Variants in FBN1 observed in about 807,000 individuals in gnomAD.
FBN1 encodes fibrillin-1.
FBN1 carries 29 observed loss-of-function variants against 365.1 expected under a neutral mutation model. That is an observed-to-expected ratio of 0.08 (90% CI 0.06 to 0.11). FBN1 has a LOEUF of 0.11. Among genes scored for constraint, FBN1 ranks in the 10% least tolerant of loss-of-function variants. The pLI, the probability that FBN1 is intolerant of heterozygous loss-of-function variation, is 1.00. For synonymous variants in FBN1, 1,210 were observed against 1,270.5 expected (o/e 0.95, Z 1.01); for missense variants, 2,476 against 3,703.2 (o/e 0.67, Z 8.60).
intron 9 of FBN1, among the ~76,000 whole-genome samples, chr15:48,524,687 G>A (rs753987205): frequency 3.3e-5 from 5 of 152,066 alleles, no homozygotes; most frequent in Admixed American, 1.3e-4. Flanking sequence ...CTCAGGTCAC[G>A]GTGGAATCCC....
At chr15:48,453,140 C>A (rs1468952484) in intron 44 of FBN1, among the ~76,000 whole-genome samples, 2 of 151,940 alleles carry the variant, frequency 1.3e-5, no homozygotes, top group African/African-American at 4.8e-5. Context: ...CCTGCAATCC[C>A]AGCTACTTGG....
intron 2 of FBN1, among the ~76,000 whole-genome samples, chr15:48,633,997 T>C (rs1168629874): frequency 6.6e-6 from 1 of 152,152 alleles, no homozygotes; most frequent in Non-Finnish European, 1.5e-5. Context: ...TATAACTAAT[T>C]TATAATATGA....
At chr15:48,626,413 C>A (rs902308946) in intron 2 of FBN1, among the ~76,000 whole-genome samples, 2 of 152,120 alleles carry the variant, frequency 1.3e-5, no homozygotes, top group African/African-American at 4.8e-5. Flanking sequence ...GAAATTCTTC[C>A]ATGTTTCAGT....
intron 46 of FBN1, among the ~76,000 whole-genome samples, chr15:48,447,753 C>T (rs1441011903): frequency 1.3e-5 from 2 of 152,078 alleles, no homozygotes; most frequent in Admixed American, 1.3e-4. Flanking sequence ...ACATTTTGGA[C>T]ATGAAGATAA....
chr15:48,521,955 T>C (rs533459316), intron 9 of FBN1, among the ~76,000 whole-genome samples: 9 of 152,150 alleles, frequency 5.9e-5, no homozygotes, highest in Non-Finnish European at 8.8e-5. Flanking sequence ...GGTGAATGAG[T>C]GAAGCTTCAT....
intron 46 of FBN1, 76 bp from the exon 47 acceptor site, chr15:48,446,898 G>T: frequency 1.0e-6 from 1 of 962,314 alleles, no homozygotes; most frequent in Non-Finnish European, 1.7e-6. Context: ...TGGCTAAAGA[G>T]CATTTTAGGG....
At chr15:48,504,944 G>T in intron 16 of FBN1, 81 bp downstream of exon 16, 1 of 1,560,668 alleles carries the variant, frequency 6.4e-7, no homozygotes. Context: ...TGCTACAGTA[G>T]AGAGCGTTTG....
At chr15:48,530,532 C>G (rs188805872) in intron 8 of FBN1, among the ~76,000 whole-genome samples, 1 of 152,020 alleles carries the variant, frequency 6.6e-6, no homozygotes, top group Non-Finnish European at 1.5e-5. Context: ...TGCCTTATTT[C>G]CAGGGCTCTT....
At chr15:48,627,069 C>T (rs1279638031) in intron 2 of FBN1, among the ~76,000 whole-genome samples, 1 of 152,074 alleles carries the variant, frequency 6.6e-6, no homozygotes, top group Non-Finnish European at 1.5e-5. Flanking sequence ...AATAACATTC[C>T]AAGGTTAGTG....
intron 24 of FBN1, among the ~76,000 whole-genome samples, chr15:48,491,120 A>T (rs995475643): frequency 2.0e-5 from 3 of 152,244 alleles, no homozygotes; most frequent in Non-Finnish European, 4.4e-5. Context: ...AAGAACCTAG[A>T]AGAAGATTCT....
chr15:48,463,823 G>C (rs2043299342), intron 41 of FBN1, 76 bp downstream of exon 41: 1 of 1,473,072 alleles, frequency 6.8e-7, no homozygotes, highest in Middle Eastern at 1.7e-4. Context: ...TCACCCTAAG[G>C]TGATGAACTT....
chr15:48,433,734 G>C (rs1043500827), intron 54 of FBN1, among the ~76,000 whole-genome samples: 9 of 152,196 alleles, frequency 5.9e-5, no homozygotes, highest in Non-Finnish European at 1.2e-4. Flanking sequence ...ACACGAGTGA[G>C]AGCCCAGATC....
intron 8 of FBN1, 84 bp from the exon 9 acceptor site, chr15:48,526,339 T>C (rs2043914762): frequency 7.0e-7 from 1 of 1,425,064 alleles, no homozygotes; most frequent in Non-Finnish European, 9.8e-7. Context: ...ATGTTAACAC[T>C]AGTCAAATCA....
At chr15:48,495,088 A>G in intron 22 of FBN1, 35 bp downstream of exon 22, 1 of 1,613,308 alleles carries the variant, frequency 6.2e-7, no homozygotes, top group Non-Finnish European at 8.5e-7. Flanking sequence ...AGACCATTGG[A>G]GTGGTATAGG....
chr15:48,468,872 T>C (rs939255349), intron 36 of FBN1, among the ~76,000 whole-genome samples: 2 of 151,308 alleles, frequency 1.3e-5, no homozygotes, highest in African/African-American at 4.9e-5. Flanking sequence ...ATCGAGACCA[T>C]CCTGGCTAAC....
intron 61 of FBN1, 125 bp from the exon 62 acceptor site, chr15:48,421,811 T>G (rs2042944706): frequency 1.7e-6 from 2 of 1,204,452 alleles, no homozygotes; most frequent in Non-Finnish European, 1.2e-6. Context: ...TTCACATACA[T>G]GTACAGGTGT....
chr15:48,487,286 A>T, intron 28 of FBN1, 26 bp downstream of exon 28: 1 of 1,614,228 alleles, frequency 6.2e-7, no homozygotes, highest in Non-Finnish European at 8.5e-7. Context: ...ACCACAAGTA[A>T]ATGGTGTGAA....
At chr15:48,475,428 T>C (rs2043411241) in intron 32 of FBN1, among the ~76,000 whole-genome samples, 1 of 152,144 alleles carries the variant, frequency 6.6e-6, no homozygotes, top group African/African-American at 2.4e-5. Context: ...ATTGTCAACT[T>C]TAGCCAAGAT....
At chr15:48,576,086 G>A (rs1266214361) in intron 6 of FBN1, among the ~76,000 whole-genome samples, 1 of 152,120 alleles carries the variant, frequency 6.6e-6, no homozygotes, top group African/African-American at 2.4e-5. Flanking sequence ...TCTCAGTATT[G>A]TTGACTCTCA....
Sources: allele counts gnomAD v4.1 joint callset (sites outside exome capture counted in the v4.1 genomes callset), GRCh38; gene constraint gnomAD v4.1.1; transcripts MANE v1.5; gene names NCBI Gene and HGNC (gene_info 2026-07-23, HGNC 2026-07-21).